TFB1M: variants seen among roughly 807,000 people sequenced by gnomAD.
The protein encoded by TFB1M is transcription factor B1, mitochondrial.
TFB1M carries 27 observed loss-of-function variants against 31.1 expected under a neutral mutation model. That is an observed-to-expected ratio of 0.87 (90% confidence interval 0.64 to 1.20). TFB1M has a LOEUF of 1.20. TFB1M is among the 50% of genes most tolerant of loss of function. The pLI is 0.00. For missense variants in TFB1M, 394 were observed against 418.7 expected (o/e 0.94, Z 0.51); for synonymous variants, 166 against 151.8 (o/e 1.09, Z -0.69).
chr6:155,262,055 A>T (rs1283466040), intron 5 of TFB1M, among the ~76,000 whole-genome samples: 5 of 152,194 alleles, frequency 3.3e-5, no homozygotes, highest in Non-Finnish European at 5.9e-5. Context: ...TTAGACTTTA[A>T]CAAAACGCAC....
intron 4 of TFB1M, among the ~76,000 whole-genome samples, chr6:155,294,535 A>T (rs902538648): frequency 6.6e-6 from 1 of 151,962 alleles, no homozygotes; most frequent in African/African-American, 2.4e-5. Context: ...AAAACAAGGA[A>T]CTCAAAAAGG....
intron 2 of TFB1M, among the ~76,000 whole-genome samples, chr6:155,309,510 G>A (rs1013906161): frequency 6.6e-6 from 1 of 152,142 alleles, no homozygotes; most frequent in Non-Finnish European, 1.5e-5. Context: ...GAAGAGAAGG[G>A]TGGCAGTCGC....
At chr6:155,269,421 A>C (rs572941589) in intron 5 of TFB1M, among the ~76,000 whole-genome samples, 1 of 147,802 alleles carries the variant, frequency 6.8e-6, no homozygotes, top group Admixed American at 6.9e-5. Context: ...TGCTGGGTTC[A>C]AGCGATTCTC....
At chr6:155,255,176 C>T (rs1377034684), downstream of TFB1M, 1 of 152,454 alleles carries the variant, frequency 6.6e-6, no homozygotes, top group African/African-American at 2.4e-5. Context: ...TGAAGGCAGG[C>T]TAGGCTAAGC....
At chr6:155,279,037 T>C (rs897379138) in intron 5 of TFB1M, among the ~76,000 whole-genome samples, 9 of 152,120 alleles carry the variant, frequency 5.9e-5, no homozygotes, top group African/African-American at 2.2e-4. Context: ...AGGCCAGGGA[T>C]GCCTTTATGT....
In TFB1M at chr6:155,276,150, T is replaced by C. The variant is rs748704642; in HGVS notation, c.666+9008A>G. The C allele has an allele frequency of 1.5e-5, 24 of 1,614,088 alleles. 1 individual carries two copies. Among genetic ancestry groups the C allele is most frequent in the South Asian group, 1.3e-4 (12 of 91,082 alleles). On this transcript the variant is annotated intron_variant, in intron 5 of 6. Coordinates refer to ENST00000367166, the MANE Select transcript of TFB1M (RefSeq NM_016020.4). The stretch of plus-strand genomic sequence containing the variant: ...ACAGTGTGGTACACAAAGGAGATCA[T>C]AGCAAACTTTCTGGATCTGACAGTT...
At chr6:155,311,596 T>C (rs1400308240) in intron 1 of TFB1M, among the ~76,000 whole-genome samples, 1 of 152,226 alleles carries the variant, frequency 6.6e-6, no homozygotes, top group Non-Finnish European at 1.5e-5. Flanking sequence ...TTAGCTTAAA[T>C]TTAGCTAATA....
chr6:155,232,312 T>C, the TFB1M span, among the ~76,000 whole-genome samples: 1 of 152,094 alleles, frequency 6.6e-6, no homozygotes, highest in Non-Finnish European at 1.5e-5. Flanking sequence ...TCTGACTTAA[T>C]GAATTTGCTT....
At chr6:155,242,314 CT>C in the TFB1M span, among the ~76,000 whole-genome samples, 2 of 152,220 alleles carry the variant, frequency 1.3e-5, no homozygotes, top group African/African-American at 4.8e-5. Flanking sequence ...TTCTTCATTT[CT>C]TTTTTGTTGC....
At chr6:155,260,612 T>C in intron 5 of TFB1M, 1 of 629,126 alleles carries the variant, frequency 1.6e-6, no homozygotes, top group South Asian at 1.8e-5. Flanking sequence ...GCTGCACCTG[T>C]TCTCTAATGA....
downstream of TFB1M, chr6:155,254,670 G>T: frequency 6.9e-7 from 1 of 1,453,826 alleles, no homozygotes; most frequent in South Asian, 1.3e-5. Context: ...TTTTCACTTT[G>T]TAAGTCATCG....
At position 155,258,345 on chromosome 6, in the gene TFB1M, GGTAA is replaced by G. The variant is rs148160643; in HGVS notation, c.795-267_795-264del. 3.2e-3 allele frequency among the ~76,000 whole-genome samples: 492 copies of G among 152,238 alleles called. 1 individual carries two copies. Among genetic ancestry groups the G allele is most frequent in the African/African-American group, 0.011 (453 of 41,540 alleles). On this transcript the variant is annotated intron_variant, in intron 6 of 6. Transcript: ENST00000367166. ...TAAATCAGTACATGTACTTTTTAAA[GGTAA>G]GTAAGTAAGTTTAAAGTAACATCTG...
intron 2 of TFB1M, among the ~76,000 whole-genome samples, chr6:155,304,760 A>T (rs1777593639): frequency 6.6e-6 from 1 of 152,086 alleles, no homozygotes; most frequent in Non-Finnish European, 1.5e-5. Context: ...TTAGAGTAAT[A>T]AAACAAAATA....
chr6:155,269,385 G>A (rs1183683318), intron 5 of TFB1M, among the ~76,000 whole-genome samples: 1 of 139,246 alleles, frequency 7.2e-6, no homozygotes, highest in African/African-American at 2.7e-5. Flanking sequence ...GCTATGACAC[G>A]ATCTTGGCTC....
the TFB1M span, among the ~76,000 whole-genome samples, chr6:155,230,652 T>C: frequency 6.6e-6 from 1 of 151,982 alleles, no homozygotes; most frequent in East Asian, 1.9e-4. Flanking sequence ...ATTGTAAAAA[T>C]TCAACCGCTA....
rs114239511 is a variant in TFB1M, at chr6:155,256,580, G to C, written c.*1256C>G. 16,796 of 1,614,180 alleles carry C rather than the reference G, an allele frequency of 0.01. 302 individuals carry two copies. The highest frequency in any genetic ancestry group is 0.051 in the African/African-American group (3,832 of 75,042). The stretch of plus-strand genomic sequence containing the variant: ...ACCTTGCTGGACTCTGACGAGGGCA[G>C]CTTGAGCAGCGGCACCCAGAGCAGC... On this transcript the variant is annotated 3_prime_UTR_variant, in exon 7 of 7. Coordinates refer to ENST00000367166, the MANE Select transcript of TFB1M (RefSeq NM_016020.4).
At chr6:155,260,062 C>T (rs530972732) in intron 6 of TFB1M, among the ~76,000 whole-genome samples, 10 of 152,320 alleles carry the variant, frequency 6.6e-5, no homozygotes, top group East Asian at 1.9e-4. Flanking sequence ...CTCCAGGCTG[C>T]GCTTATGTTT....
Position 155,256,212 on chromosome 6 carries a change from TGTA to T in TFB1M, c.*1621_*1623del. ...TTGGCAAAATAAGAATCTTAGCCCA[TGTA>T]GTAGTTTCTAGTGTCTAGTTCTATT... On this transcript the variant is annotated 3_prime_UTR_variant, in exon 7 of 7. Coordinates refer to ENST00000367166, the MANE Select transcript of TFB1M (RefSeq NM_016020.4). 2 of 577,122 alleles carry T rather than the reference TGTA, an allele frequency of 3.5e-6. No individual in the cohort carries two copies. The highest frequency in any genetic ancestry group is 6.1e-6 in the Non-Finnish European group (2 of 329,964). The allele number at this position is 577,122 out of a possible 1,614,324, so 35.8% of individuals were successfully genotyped here. A position where few individuals can be genotyped will look rare whatever the true frequency, so the allele number is the denominator to read the frequency against.
In TFB1M at chr6:155,257,278, T is replaced by TTTAA. The variant is rs1401729411; in HGVS notation, c.*554_*557dup. ...AAATGGTTGTAAAGATTTAAGTTAT[T>TTTAA]TTAATTTATTGTGGATCAGAAACCT... On this transcript the variant is annotated 3_prime_UTR_variant, in exon 7 of 7. Coordinates refer to ENST00000367166, the MANE Select transcript of TFB1M (RefSeq NM_016020.4). The TTTAA allele has an allele frequency of 5.9e-6, 5 of 840,792 alleles. No individual in the cohort carries two copies. Among genetic ancestry groups the TTTAA allele is most frequent in the Admixed American group, 3.0e-5 (1 of 33,376 alleles). The allele number at this position is 840,792 out of a possible 1,614,324, so 52.1% of individuals were successfully genotyped here. A position where few individuals can be genotyped will look rare whatever the true frequency, so the allele number is the denominator to read the frequency against.
Sources: gnomAD v4.1 joint callset for allele counts (sites outside exome capture counted in the v4.1 genomes callset) on GRCh38, gnomAD v4.1.1 for gene constraint, MANE v1.5 for transcripts, NCBI Gene and HGNC (gene_info 2026-07-23, HGNC 2026-07-21) for gene names.